The following MARK4 variants were observed in gnomAD, a reference collection of about 807,000 sequenced individuals.
MARK4 encodes the protein MAP/microtubule affinity-regulating kinase 4.
MARK4 carries 19 observed loss-of-function variants against 81.5 expected under a neutral mutation model. The ratio of observed to expected loss-of-function variants is 0.23; its 90% CI spans 0.16 to 0.34. MARK4 has a LOEUF of 0.34. Ranked by LOEUF, MARK4 falls within the 10% of genes least tolerant of loss-of-function variation. The pLI is 1.00. For synonymous variants in MARK4, 436 were observed against 439.0 expected, an observed-to-expected ratio of 0.99 and a Z score of 0.08; for missense variants, 772 against 1,058.8, an observed-to-expected ratio of 0.73 and a Z score of 3.76.
chr19:45,296,243 A>T (rs544229640), intron 14 of MARK4, among the ~76,000 whole-genome samples: 80 of 152,340 alleles, frequency 5.3e-4, no homozygotes, highest in African/African-American at 1.6e-3. Flanking sequence ...AAAAAAATTT[A>T]AAAACAACAA....
intron 12 of MARK4, among the ~76,000 whole-genome samples, chr19:45,285,393 A>G (rs1970729544): frequency 6.6e-6 from 1 of 152,108 alleles, no homozygotes; most frequent in Admixed American, 6.6e-5. Context: ...ATGGGGGCAC[A>G]GGAGGACACA....
At chr19:45,285,261 C>CAAA (rs71173139) in intron 12 of MARK4, among the ~76,000 whole-genome samples, 34 of 57,016 alleles carry the variant, frequency 6.0e-4, no homozygotes, top group Non-Finnish European at 6.8e-4. Flanking sequence ...TGCCGTGTCT[C>CAAA]AAAAAAAAAA....
intron 1 of MARK4, among the ~76,000 whole-genome samples, chr19:45,258,111 GAGTA>G (rs1970333056): frequency 6.6e-6 from 1 of 151,114 alleles, no homozygotes; most frequent in Admixed American, 6.6e-5. Context: ...TCAGCCTCCA[GAGTA>G]GCTGGGATTA....
At position 45,259,044 on chromosome 19, in the gene MARK4, G is replaced by C. The variant is rs770299929; in HGVS notation, c.107G>C (p.Arg36Pro). 1 of 1,613,896 alleles carries C rather than the reference G, an allele frequency of 6.2e-7. No homozygotes were observed. Among genetic ancestry groups the C allele is most frequent in the Non-Finnish European group, 8.5e-7 (1 of 1,180,012 alleles). Residue 36 changes from arginine to proline, a missense_variant, in exon 2 of 17, where the codon CGC becomes CCC. This residue lies in a region of MARK4 where 115 missense variants were observed against 139.8 expected (regional missense o/e 0.82). Coordinates refer to ENST00000262891, the MANE Select transcript of MARK4 (RefSeq NM_001199867.2). ...SSDKGPSWSS[R>P]SLGARCRNSI... ...GACAAAGGCCCGTCCTGGTCCAGCC[G>C]CTCACTGGGTGCCCGTTGCCGGAAC... is the stretch of plus-strand genomic sequence containing the variant.
chr19:45,301,257 C>A (rs1235751078), intron 16 of MARK4, among the ~76,000 whole-genome samples: 2 of 151,948 alleles, frequency 1.3e-5, no homozygotes, highest in Non-Finnish European at 2.9e-5. Context: ...CATTGCAAGA[C>A]CCTGTCTCAA....
chr19:45,257,935 C>T (rs1370774212), intron 1 of MARK4, among the ~76,000 whole-genome samples: 4 of 148,790 alleles, frequency 2.7e-5, no homozygotes, highest in Non-Finnish European at 4.5e-5. Flanking sequence ...GTGATCTGCC[C>T]GCCTCGGCCT....
At chr19:45,256,639 G>A (rs1402662930) in intron 1 of MARK4, among the ~76,000 whole-genome samples, 1 of 152,192 alleles carries the variant, frequency 6.6e-6, no homozygotes, top group Non-Finnish European at 1.5e-5. Flanking sequence ...GGAGCCTCGA[G>A]TCCAGATTGA....
At chr19:45,264,036 C>T (rs888997340) in intron 4 of MARK4, among the ~76,000 whole-genome samples, 6 of 152,246 alleles carry the variant, frequency 3.9e-5, no homozygotes, top group Admixed American at 2.6e-4. Context: ...GTGAGAGAAG[C>T]GGAGTTTAGC....
rs1413458717 is a variant in MARK4, at chr19:45,287,545, T to C, written c.1375T>C (p.Cys459Arg). Residue 459 changes from cysteine (C) to arginine (R), a missense_variant, in exon 13 of 17, where the codon TGC becomes CGC. Coordinates refer to ENST00000262891, the MANE Select transcript of MARK4 (RefSeq NM_001199867.2). ...GCGGCTGCCAGGCCGGAAGGCGAGC[T>C]GCAGCACCGCGGGGAGTGGGAGTCG... ...EERLPGRKAS[C>R]STAGSGSRGL... 5.7e-6 allele frequency: 9 copies of C among 1,584,912 alleles called. No homozygotes were observed. Among genetic ancestry groups the C allele is most frequent in the Non-Finnish European group, 7.7e-6 (9 of 1,163,784 alleles).
intron 14 of MARK4, among the ~76,000 whole-genome samples, chr19:45,295,173 C>T (rs1275411481): frequency 6.6e-6 from 1 of 151,262 alleles, no homozygotes; most frequent in Non-Finnish European, 1.5e-5. Flanking sequence ...CATGGTGACA[C>T]CCCGTCTCTA....
intron 15 of MARK4, among the ~76,000 whole-genome samples, chr19:45,299,303 A>C (rs1047605304): frequency 3.9e-5 from 6 of 152,174 alleles, no homozygotes; most frequent in African/African-American, 1.4e-4. Context: ...ACGCGCCTGT[A>C]GTCCCAGCTA....
At chr19:45,289,276 A>G (rs1970790158) in intron 13 of MARK4, among the ~76,000 whole-genome samples, 1 of 150,996 alleles carries the variant, frequency 6.6e-6, no homozygotes, top group Admixed American at 6.7e-5. Context: ...AGTCCCAGCT[A>G]CTCAGGAGGC....
chr19:45,278,452 G>A (rs758712815), intron 9 of MARK4, 64 bp from the exon 10 acceptor site: 303 of 1,418,582 alleles, frequency 2.1e-4, no homozygotes, highest in Non-Finnish European at 2.9e-4. Flanking sequence ...CAGGGCAGAA[G>A]CTGTATGATT....
chr19:45,258,791 A>T, intron 1 of MARK4, 198 bp from the exon 2 acceptor site: 1 of 588,260 alleles, frequency 1.7e-6, no homozygotes, highest in Non-Finnish European at 3.0e-6. Flanking sequence ...TGAATGTTGC[A>T]GATTTGGAGG....
intron 12 of MARK4, 142 bp downstream of exon 12, chr19:45,280,876 C>T (rs1412770550): frequency 5.8e-6 from 7 of 1,208,250 alleles, no homozygotes; most frequent in Non-Finnish European, 8.1e-6. Context: ...TATAAAGACA[C>T]AGGGCATTGC....
intron 13 of MARK4, among the ~76,000 whole-genome samples, chr19:45,290,070 A>T (rs1161224185): frequency 1.3e-5 from 2 of 152,270 alleles, no homozygotes; most frequent in Non-Finnish European, 2.9e-5. Context: ...ACTGCACTCC[A>T]GCCTGGGAGT....
intron 12 of MARK4, among the ~76,000 whole-genome samples, chr19:45,286,779 A>G (rs1194734933): frequency 6.6e-6 from 1 of 152,136 alleles, no homozygotes; most frequent in Non-Finnish European, 1.5e-5. Flanking sequence ...CCCCTTTTGA[A>G]ACAAGTTATA....
rs544286858 is a variant in MARK4 at position 45,285,860 on chromosome 19, C to T, written c.1277-1587C>T. 3.3e-5 allele frequency among the ~76,000 whole-genome samples: 5 copies of T among 152,288 alleles called. No homozygotes were observed. In the South Asian group the frequency reaches 8.3e-4, roughly 25 times the overall value. ...TCAAGTTTGAGATCACTTTTCACCC[C>T]CGGGTTCTAAAACAGTAGATTCCTA... On this transcript the variant is annotated intron_variant, in intron 12 of 16. Transcript: ENST00000262891.
intron 12 of MARK4, among the ~76,000 whole-genome samples, chr19:45,285,850 C>G (rs1160184406): frequency 2.6e-5 from 4 of 152,216 alleles, no homozygotes; most frequent in African/African-American, 9.6e-5. Flanking sequence ...TTTGAGATCA[C>G]TTTTCACCCC....
Sources: allele counts gnomAD v4.1 joint callset (sites outside exome capture counted in the v4.1 genomes callset), GRCh38; gene constraint gnomAD v4.1.1; regional missense constraint gnomAD v4.1.1; transcripts MANE v1.5; gene names NCBI Gene and HGNC (gene_info 2026-07-23, HGNC 2026-07-21).